Variants in DNAH9 observed in about 807,000 individuals in gnomAD.
The protein encoded by DNAH9 is DNAH9 variant protein.
A neutral mutation model predicts 471.6 loss-of-function variants in DNAH9; 345 were observed. The ratio of observed to expected loss-of-function variants is 0.73; its 90% CI spans 0.67 to 0.80. The LOEUF (loss-of-function observed/expected upper bound fraction) is 0.80, where lower values mean the gene tolerates loss of function less well. Among genes scored for constraint, DNAH9 ranks in the 30% least tolerant of loss-of-function variants. The pLI is 0.00. For missense variants in DNAH9, 5,407 were observed against 5,609.2 expected, an observed-to-expected ratio of 0.96 and a Z score of 1.15; for synonymous variants, 2,093 against 2,123.6, an observed-to-expected ratio of 0.99 and a Z score of 0.40.
intron 45 of DNAH9, among the ~76,000 whole-genome samples, chr17:11,819,108 C>G (rs1459532588): frequency 6.6e-6 from 1 of 152,000 alleles, no homozygotes; most frequent in Non-Finnish European, 1.5e-5. Flanking sequence ...TTTTAATTAA[C>G]TTTCTTTGAC....
At position 11,942,423 on chromosome 17, in the gene DNAH9, C is replaced by A. The variant is rs180802108; in HGVS notation, c.12781C>A (p.Arg4261=). 6.2e-7 allele frequency: 1 copy of A among 1,614,132 alleles called. No homozygotes were observed. The highest frequency in any genetic ancestry group is 8.5e-7 in the Non-Finnish European group (1 of 1,180,038). Residue 4261 remains arginine, a synonymous_variant, in exon 67 of 69, where the codon CGG becomes AGG. Coordinates refer to ENST00000262442, the MANE Select transcript of DNAH9 (RefSeq NM_001372.4). ...TGTAGTTGCCTTCCAGGAGTGTGGC[C>A]GGATGAATATCCTCACCAGAGAGAT... ...YIVVAFQECG[R]MNILTREIQR... is the part of the protein sequence containing the mutation.
intron 26 of DNAH9, among the ~76,000 whole-genome samples, chr17:11,711,900 A>T (rs368969115): frequency 0.18 from 4,873 of 26,966 alleles, 1,875 homozygotes; most frequent in East Asian, 0.4. Context: ...ATATAAATAT[A>T]TATATTTGTA....
At chr17:11,717,655 A>T (rs1057242570) in intron 26 of DNAH9, among the ~76,000 whole-genome samples, 3 of 152,208 alleles carry the variant, frequency 2.0e-5, no homozygotes, top group Non-Finnish European at 4.4e-5. Flanking sequence ...CATAAATTAC[A>T]TGCCTTAAAG....
At chr17:11,896,603 C>A (rs1441059221) in intron 59 of DNAH9, among the ~76,000 whole-genome samples, 1 of 152,104 alleles carries the variant, frequency 6.6e-6, no homozygotes, top group East Asian at 1.9e-4. Flanking sequence ...CAACAGAAAC[C>A]CAAATTACAA....
chr17:11,599,000 GGGGGC>G, intron 1 of DNAH9, 85 bp downstream of exon 1: 1 of 1,090,362 alleles, frequency 9.2e-7, no homozygotes, highest in African/African-American at 1.7e-5. Flanking sequence ...CGGGGCCAGA[GGGGGC>G]GGGGCGAAGC....
chr17:11,809,098 C>T (rs1366168817), intron 44 of DNAH9, among the ~76,000 whole-genome samples: 3 of 152,140 alleles, frequency 2.0e-5, no homozygotes, highest in African/African-American at 4.8e-5. Flanking sequence ...ACCAAAGGAA[C>T]TGAGATTGAT....
At chr17:11,640,833 C>A (rs2073257865) in intron 10 of DNAH9, among the ~76,000 whole-genome samples, 1 of 152,164 alleles carries the variant, frequency 6.6e-6, no homozygotes, top group African/African-American at 2.4e-5. Context: ...CCTCACCTGT[C>A]ACTGGCTGAA....
chr17:11,896,596 C>T (rs372724223), intron 59 of DNAH9, among the ~76,000 whole-genome samples: 21 of 152,112 alleles, frequency 1.4e-4, no homozygotes, highest in African/African-American at 5.1e-4. Flanking sequence ...CCATTCACAA[C>T]AGAAACCCAA....
intron 41 of DNAH9, among the ~76,000 whole-genome samples, chr17:11,791,178 T>C (rs1969050237): frequency 2.0e-5 from 3 of 152,208 alleles, no homozygotes; most frequent in African/African-American, 4.8e-5. Flanking sequence ...CAAAAATATA[T>C]TTCTTATTTT....
chr17:11,673,977 A>G (rs1290455486), intron 17 of DNAH9, among the ~76,000 whole-genome samples: 4 of 152,100 alleles, frequency 2.6e-5, no homozygotes, highest in Non-Finnish European at 5.9e-5. Context: ...TATGCCATAT[A>G]TTTTTCTGTG....
intron 9 of DNAH9, among the ~76,000 whole-genome samples, chr17:11,637,465 G>C (rs1301033712): frequency 1.3e-5 from 2 of 152,094 alleles, no homozygotes; most frequent in Non-Finnish European, 2.9e-5. Context: ...GGAAGCGATG[G>C]TGCGAACCCC....
At chr17:11,682,063 G>A (rs906149025) in intron 19 of DNAH9, among the ~76,000 whole-genome samples, 4 of 152,156 alleles carry the variant, frequency 2.6e-5, no homozygotes, top group South Asian at 2.1e-4. Context: ...GTCCAGGATC[G>A]TTCTGGTTGT....
rs376063327 is a variant in DNAH9 at position 11,755,528 on chromosome 17, A to C, written c.6739-1040A>C. 2.6e-5 allele frequency among the ~76,000 whole-genome samples: 4 copies of C among 152,220 alleles called. No homozygotes were observed. In the East Asian group the frequency reaches 7.7e-4, roughly 29 times the overall value. On this transcript the variant is annotated intron_variant, in intron 33 of 68. Transcript: ENST00000262442. ...GGGTTTTGTAATTCTTTTTGTAGGG[A>C]TCTTTCATGAGGTACTACTATAAAA...
In DNAH9 at chr17:11,723,803, G is replaced by A. The variant is rs996150579; in HGVS notation, c.5710-4015G>A. Among the ~76,000 whole-genome samples, 14 of 152,096 alleles carry A rather than the reference G, an allele frequency of 9.2e-5. No individual in the cohort carries two copies. The Middle Eastern group carries it at 0.014, about 148-fold the overall frequency. ...CTGCCTCAGCCTCCCGAGTAGCTTG[G>A]ACTACAGGCGCCCGCCACCACGCCT... On this transcript the variant is annotated intron_variant, in intron 27 of 68. Transcript: ENST00000262442.
chr17:11,852,814 G>GTATATATA (rs58555259), intron 49 of DNAH9, among the ~76,000 whole-genome samples: 11 of 92,674 alleles, frequency 1.2e-4, no homozygotes, highest in East Asian at 1.1e-3. Flanking sequence ...GTGTGTGTGT[G>GTATATATA]TATATATATA....
intron 57 of DNAH9, among the ~76,000 whole-genome samples, chr17:11,889,358 T>C (rs1218380194): frequency 6.6e-6 from 1 of 152,224 alleles, no homozygotes; most frequent in African/African-American, 2.4e-5. Context: ...CTTTAATTGG[T>C]TGCCAACATT....
chr17:11,884,139 T>C (rs1477920191), intron 56 of DNAH9, among the ~76,000 whole-genome samples: 1 of 152,100 alleles, frequency 6.6e-6, no homozygotes, highest in Non-Finnish European at 1.5e-5. Context: ...TTGGGCATGA[T>C]TGCATCCTGA....
At chr17:11,825,731 T>C (rs1970466464) in intron 48 of DNAH9, among the ~76,000 whole-genome samples, 2 of 152,194 alleles carry the variant, frequency 1.3e-5, no homozygotes, top group Admixed American at 1.3e-4. Flanking sequence ...GTATGGAAGC[T>C]TTATGCACAC....
intron 43 of DNAH9, among the ~76,000 whole-genome samples, chr17:11,804,419 G>A (rs1041422162): frequency 6.6e-6 from 1 of 151,916 alleles, no homozygotes; most frequent in African/African-American, 2.4e-5. Flanking sequence ...TACATAAAAG[G>A]GTTTCACAAA....
Sources: allele counts gnomAD v4.1 joint callset (sites outside exome capture counted in the v4.1 genomes callset), GRCh38; gene constraint gnomAD v4.1.1; transcripts MANE v1.5; gene names NCBI Gene and HGNC (gene_info 2026-07-23, HGNC 2026-07-21).